RFXAP: variants seen among roughly 807,000 people sequenced by gnomAD.
RFXAP encodes the protein regulatory factor X-associated protein.
RFXAP carries 21 observed loss-of-function variants against 25.7 expected under a neutral mutation model. That is an observed-to-expected ratio of 0.82 (90% CI 0.58 to 1.18). The LOEUF is 1.18. RFXAP is among the 50% of genes most tolerant of loss of function. The pLI is 0.00. For synonymous variants in RFXAP, 161 were observed against 152.2 expected (o/e 1.06, Z -0.43); for missense variants, 333 against 363.0 (o/e 0.92, Z 0.67).
intron 1 of RFXAP, among the ~76,000 whole-genome samples, chr13:36,822,696 T>G (rs1273220344): frequency 3.3e-5 from 5 of 152,208 alleles, no homozygotes; most frequent in Admixed American, 3.3e-4. Flanking sequence ...GCTTCACTAT[T>G]TTAAAATAAT....
In RFXAP at chr13:36,819,746, G is replaced by T; in HGVS notation, c.389G>T (p.Arg130Leu). The T allele has an allele frequency of 1.9e-6, 3 of 1,553,556 alleles. No individual in the cohort carries two copies. The highest frequency in any genetic ancestry group is 2.4e-5 in the East Asian group (1 of 41,172). ...GEGSSGGARR[R>L]GSGGGSMSKT... Reference sequence around the variant, plus strand: ...GGCAGCAGCGGGGGCGCCCGGAGGCGGGGCAGCGGTGGGGGCAGCATGAGC... The same window carrying T: ...GGCAGCAGCGGGGGCGCCCGGAGGCTGGGCAGCGGTGGGGGCAGCATGAGC... Residue 130 changes from arginine to leucine, a missense_variant, in exon 1 of 3, where the codon CGG becomes CTG. Arg to Leu is a moderately radical substitution (Grantham distance 102, BLOSUM62 -2). Transcript: ENST00000255476.
chr13:36,819,408 C>G lies in RFXAP; in HGVS notation c.51C>G (p.Gly17=). Residue 17 remains glycine (G), a synonymous_variant, in exon 1 of 3, where the codon GGC becomes GGG. Transcript: ENST00000255476. The part of the protein sequence containing the change: ...AEGAGPGAAS[G]VPHPAALAPA... ...GCGCGGGGCCGGGCGCCGCCAGCGG[C>G]GTGCCCCACCCCGCGGCCCTAGCCC... 1 of 1,314,778 alleles carries G rather than the reference C, an allele frequency of 7.6e-7. No individual in the cohort carries two copies. The highest frequency in any genetic ancestry group is 9.6e-7 in the Non-Finnish European group (1 of 1,038,166). The allele number at this position is 1,314,778 out of a possible 1,614,324, so 81.4% of individuals were successfully genotyped here. A position where few individuals can be genotyped will look rare whatever the true frequency, so the allele number is the denominator to read the frequency against.
chr13:36,823,150 G>A (rs557244404), intron 1 of RFXAP, among the ~76,000 whole-genome samples: 52 of 152,292 alleles, frequency 3.4e-4, no homozygotes, highest in African/African-American at 1.3e-3. Flanking sequence ...AGAGGCTAAA[G>A]AATTTGGCCT....
Position 36,825,501 on chromosome 13 carries a change from C to G in RFXAP, c.674C>G (p.Thr225Ser). 1 of 1,612,428 alleles carries G rather than the reference C, an allele frequency of 6.2e-7. No individual in the cohort carries two copies. The highest frequency in any genetic ancestry group is 1.1e-5 in the South Asian group (1 of 91,064). ...TTTGGGGATCGTCCTGCAAGACCTA[C>G]TCTTTTAGAACAAGTGTTAAATCAA... ...GSFGDRPARPTLLEQVLNQKR... is the reference protein window; with the variant it reads ...GSFGDRPARPSLLEQVLNQKR... Residue 225 changes from threonine (T) to serine (S), a missense_variant, in exon 2 of 3, where the codon ACT (threonine) becomes AGT (serine). Coordinates refer to ENST00000255476, the MANE Select transcript of RFXAP (RefSeq NM_000538.4).
At chr13:36,819,978 C>G in intron 1 of RFXAP, 21 bp downstream of exon 1, 1 of 1,612,322 alleles carries the variant, frequency 6.2e-7, no homozygotes, top group Non-Finnish European at 8.5e-7. Context: ...TAGCTGAGGC[C>G]TGGGGATGGG....
chr13:36,823,928 G>C (rs940638979), intron 1 of RFXAP, among the ~76,000 whole-genome samples: 1 of 152,128 alleles, frequency 6.6e-6, no homozygotes, highest in African/African-American at 2.4e-5. Context: ...TAAATCACAA[G>C]GAGTATGTAT....
rs1055112539 is a variant in RFXAP, at chr13:36,819,759, G to C, written c.402G>C (p.Gly134=). 15 of 1,557,528 alleles carry C rather than the reference G, an allele frequency of 9.6e-6. No individual in the cohort carries two copies. In the Admixed American group the frequency reaches 2.1e-4, roughly 22 times the overall value. The stretch of plus-strand genomic sequence containing the variant: ...GCGCCCGGAGGCGGGGCAGCGGTGG[G>C]GGCAGCATGAGCAAGACCTGCACCT... ...SGGARRRGSG[G]GSMSKTCTYE... is the part of the protein sequence containing the mutation. Residue 134 remains glycine (G), a synonymous_variant, in exon 1 of 3, where the codon GGG becomes GGC. Transcript: ENST00000255476.
intron 2 of RFXAP, among the ~76,000 whole-genome samples, chr13:36,827,062 G>A (rs2057980397): frequency 6.6e-6 from 1 of 152,016 alleles, no homozygotes; most frequent in South Asian, 2.1e-4. Flanking sequence ...AGTGATGAGT[G>A]TACAAAAAGG....
intron 2 of RFXAP, among the ~76,000 whole-genome samples, chr13:36,826,604 T>TA (rs1566320844): frequency 6.6e-6 from 1 of 152,168 alleles, no homozygotes; most frequent in East Asian, 1.9e-4. Context: ...TGGATAGAGT[T>TA]AAACATAAAG....
At chr13:36,826,570 T>C (rs2057978580) in intron 2 of RFXAP, among the ~76,000 whole-genome samples, 1 of 152,156 alleles carries the variant, frequency 6.6e-6, no homozygotes, top group South Asian at 2.1e-4. Context: ...TATGAAGACA[T>C]TTACAGAATG....
At chr13:36,827,532 T>A in intron 2 of RFXAP, 111 bp from the exon 3 acceptor site, 1 of 774,546 alleles carries the variant, frequency 1.3e-6, no homozygotes, top group Non-Finnish European at 2.2e-6. Context: ...TTCAGGCATA[T>A]TCTTGTGAAC....
At chr13:36,827,489 GT>G in intron 2 of RFXAP, among the ~76,000 whole-genome samples, 153 bp from the exon 3 acceptor site, 1 of 152,322 alleles carries the variant, frequency 6.6e-6, no homozygotes, top group South Asian at 2.1e-4. Flanking sequence ...TTGCAGCTTA[GT>G]TGCAGTGCAT....
intron 1 of RFXAP, among the ~76,000 whole-genome samples, chr13:36,820,612 T>C (rs2057958837): frequency 6.6e-6 from 1 of 152,236 alleles, no homozygotes; most frequent in Non-Finnish European, 1.5e-5. Context: ...GTATCCTTGT[T>C]GTTAGTACCC....
Position 36,827,644 on chromosome 13 carries a change from C to T in RFXAP, c.710C>T (p.Ser237Leu). ...LEQVLNQKRL[S>L]LLRSPEVVQF... ...TAATTTTTTTCTTTTCTTTCTAAGT[C>T]GTTACTAAGAAGTCCAGAAGTAGTG... Residue 237 changes from serine to leucine, a missense_variant and splice_region_variant, in exon 3 of 3, where the codon TCG (serine) becomes TTG (leucine). Transcript: ENST00000255476. 1 of 1,608,174 alleles carries T rather than the reference C, an allele frequency of 6.2e-7. No individual in the cohort carries two copies. The highest frequency in any genetic ancestry group is 8.5e-7 in the Non-Finnish European group (1 of 1,175,060).
intron 1 of RFXAP, among the ~76,000 whole-genome samples, chr13:36,824,754 C>T (rs911771112): frequency 6.6e-6 from 1 of 152,052 alleles, no homozygotes; most frequent in Non-Finnish European, 1.5e-5. Flanking sequence ...TGTTTTTGGG[C>T]AGTGAAATCT....
In RFXAP at chr13:36,819,955, G is replaced by A. The variant is rs758466753; in HGVS notation, c.598G>A (p.Glu200Lys). 2.5e-6 allele frequency: 4 copies of A among 1,613,596 alleles called. No homozygotes were observed. The highest frequency in any genetic ancestry group is 2.7e-5 in the African/African-American group (2 of 74,922). ...TGGCAGCGCGGGAAACGTCAAACTC[G>A]AGGTATCAGACTTAGCTGAGGCCTG... ...STGSAGNVKL[E>K]ESADNILSIV... is the part of the protein sequence containing the mutation. Residue 200 changes from glutamate (E) to lysine (K), a missense_variant and splice_region_variant, in exon 1 of 3, where the codon GAG becomes AAG. By Grantham distance (56) the Glu-to-Lys change is moderately conservative. Coordinates refer to ENST00000255476, the MANE Select transcript of RFXAP (RefSeq NM_000538.4).
Position 36,819,412 on chromosome 13 carries a change from C to A in RFXAP, c.55C>A (p.Pro19Thr). 1.5e-6 allele frequency: 2 copies of A among 1,325,900 alleles called. No homozygotes were observed. The highest frequency in any genetic ancestry group is 1.9e-6 in the Non-Finnish European group (2 of 1,044,542). The allele number at this position is 1,325,900 out of a possible 1,614,324, so 82.1% of individuals were successfully genotyped here. A position where few individuals can be genotyped will look rare whatever the true frequency, so the allele number is the denominator to read the frequency against. Residue 19 changes from proline (P) to threonine (T), a missense_variant, in exon 1 of 3, where the codon CCC becomes ACC. Physicochemically the swap from Pro to Thr is conservative, Grantham distance 38. Transcript: ENST00000255476. ...GGGGCCGGGCGCCGCCAGCGGCGTG[C>A]CCCACCCCGCGGCCCTAGCCCCGGC... ...GAGPGAASGVPHPAALAPAAA... is the reference protein window; with the variant it reads ...GAGPGAASGVTHPAALAPAAA...
intron 2 of RFXAP, among the ~76,000 whole-genome samples, chr13:36,826,430 A>C (rs552946454): frequency 6.7e-6 from 1 of 150,106 alleles, no homozygotes; most frequent in Non-Finnish European, 1.5e-5. Flanking sequence ...TGATGCAGTG[A>C]TGTGGAGACT....
At position 36,827,844 on chromosome 13, in the gene RFXAP, A is replaced by G; in HGVS notation, c.*91A>G. On this transcript the variant is annotated 3_prime_UTR_variant, in exon 3 of 3. Transcript: ENST00000255476. ...CCAGACATAAATGGGGTAATAATCT[A>G]TGCCTGTAGAACATAAACATTTTCC... The G allele has an allele frequency of 3.1e-6, 3 of 960,074 alleles. No individual in the cohort carries two copies. Among genetic ancestry groups the G allele is most frequent in the East Asian group, 2.6e-5 (1 of 39,062 alleles). The allele number at this position is 960,074 out of a possible 1,614,324, so 59.5% of individuals were successfully genotyped here.
Sources: allele counts gnomAD v4.1 joint callset (sites outside exome capture counted in the v4.1 genomes callset), GRCh38; gene constraint gnomAD v4.1.1; transcripts MANE v1.5; gene names NCBI Gene and HGNC (gene_info 2026-07-23, HGNC 2026-07-21).